Variants in RNF10 observed in about 807,000 individuals in gnomAD.
RNF10 encodes the protein ring finger protein 10, also known as E3 ubiquitin-protein ligase RNF10.
RNF10 carries 38 observed loss-of-function variants against 91.4 expected under a neutral mutation model. The ratio of observed to expected loss-of-function variants is 0.42; its 90% CI spans 0.32 to 0.54. The LOEUF (loss-of-function observed/expected upper bound fraction) is 0.54, where lower values mean the gene tolerates loss of function less well. RNF10 is among the 20% of genes least tolerant of loss of function. The probability of loss-of-function intolerance (pLI) is 0.16; values close to 1 mark genes in which losing one functional copy is unlikely to be tolerated. For synonymous variants in RNF10, 364 were observed against 366.3 expected (o/e 0.99, Z 0.07); for missense variants, 945 against 1,012.0 (o/e 0.93, Z 0.90).
intron 14 of RNF10, among the ~76,000 whole-genome samples, chr12:120,572,838 C>T (rs1164884399): frequency 4.0e-5 from 6 of 149,104 alleles, no homozygotes; most frequent in South Asian, 2.1e-4. Context: ...TGACCTCAGG[C>T]GATCCACCTG....
rs910032089 is a variant in RNF10, at chr12:120,552,493, C to T, written c.355-6C>T. 3.1e-6 allele frequency: 5 copies of T among 1,612,194 alleles called. No individual in the cohort carries two copies. The highest frequency in any genetic ancestry group is 2.5e-6 in the Non-Finnish European group (3 of 1,178,352). ...TGAAATACTGATTCATTCTCATTCT[C>T]TCTAGGTAGCAGAGGCTCAACGGGC... On this transcript the variant is annotated splice_region_variant and splice_polypyrimidine_tract_variant and intron_variant, in intron 2 of 16. Coordinates refer to ENST00000325954, the MANE Select transcript of RNF10 (RefSeq NM_014868.5).
chr12:120,538,510 TC>T (rs1953149204), intron 1 of RNF10, among the ~76,000 whole-genome samples: 4 of 152,214 alleles, frequency 2.6e-5, no homozygotes, highest in Admixed American at 2.6e-4. Flanking sequence ...ACATTCCTTT[TC>T]TTGATTATAT....
intron 13 of RNF10, among the ~76,000 whole-genome samples, chr12:120,568,435 A>G (rs985934676): frequency 4.6e-5 from 7 of 151,936 alleles, no homozygotes; most frequent in Non-Finnish European, 7.4e-5. Flanking sequence ...TCAGAGAACT[A>G]TCTTTTGTGA....
chr12:120,560,328 A>G (rs1874663652), intron 6 of RNF10, among the ~76,000 whole-genome samples: 2 of 151,680 alleles, frequency 1.3e-5, no homozygotes, highest in Admixed American at 6.6e-5. Context: ...ACTTTTTTGT[A>G]TCTTTAGTAG....
intron 14 of RNF10, 105 bp downstream of exon 14, chr12:120,571,396 G>A (rs531404080): frequency 3.7e-6 from 3 of 817,650 alleles, no homozygotes; most frequent in Non-Finnish European, 4.0e-6. Flanking sequence ...ATTCTAATAC[G>A]GCTGGACAAA....
chr12:120,549,795 A>G (rs1390017214), intron 2 of RNF10, among the ~76,000 whole-genome samples: 1 of 152,194 alleles, frequency 6.6e-6, no homozygotes, highest in African/African-American at 2.4e-5. Flanking sequence ...CAAATAAATA[A>G]GTGAATAAAT....
intron 2 of RNF10, 108 bp from the exon 3 acceptor site, chr12:120,552,391 C>A: frequency 1.1e-6 from 1 of 878,490 alleles, no homozygotes; most frequent in Non-Finnish European, 1.7e-6. Context: ...CAGAGTAAGA[C>A]TCCGTCTCAA....
chr12:120,557,255 G>A (rs767437490), intron 4 of RNF10, 27 bp from the exon 5 acceptor site: 2 of 1,610,568 alleles, frequency 1.2e-6, no homozygotes, highest in Non-Finnish European at 1.7e-6. Context: ...TTCAAGCAGT[G>A]AACCTTCTGG....
At position 120,576,961 on chromosome 12, in the gene RNF10, A is replaced by C. The variant is rs1316871298; in HGVS notation, c.*295A>C. On this transcript the variant is annotated 3_prime_UTR_variant, in exon 17 of 17. Coordinates refer to ENST00000325954, the MANE Select transcript of RNF10 (RefSeq NM_014868.5). ...ACCCATGTGTAATTAATTTTTCTCA[A>C]CCCAAAGTAAGATTGAGTCCCCTTT... The C allele has an allele frequency of 2.7e-6, 1 of 372,494 alleles. No individual in the cohort carries two copies. The highest frequency in any genetic ancestry group is 4.3e-5 in the Admixed American group (1 of 23,518). The allele number at this position is 372,494 out of a possible 1,614,324, so 23.1% of individuals were successfully genotyped here.
At chr12:120,570,529 G>A (rs1876471836) in intron 13 of RNF10, among the ~76,000 whole-genome samples, 1 of 152,138 alleles carries the variant, frequency 6.6e-6, no homozygotes, top group South Asian at 2.1e-4. Context: ...AAGAGCAATT[G>A]GTTGGTCCTA....
chr12:120,575,571 G>A, intron 14 of RNF10, 60 bp from the exon 15 acceptor site: 1 of 1,598,138 alleles, frequency 6.3e-7, no homozygotes, highest in Non-Finnish European at 8.6e-7. Flanking sequence ...AGGTAGGTCT[G>A]AAAAAGAAGT....
intron 13 of RNF10, among the ~76,000 whole-genome samples, chr12:120,567,275 C>A (rs1875890156): frequency 6.6e-6 from 1 of 151,976 alleles, no homozygotes; most frequent in Non-Finnish European, 1.5e-5. Flanking sequence ...TTGAGATACT[C>A]CCCTGTATGC....
Position 120,557,284 on chromosome 12 carries a change from C to T in RNF10, c.648C>T (p.Arg216=). ...LVNWDFVEQV[R]ICSHEVPSCP... is the part of the protein sequence containing the mutation. Reference sequence around the variant, plus strand: ...CTTCTGGTGGCATTTTGTTTCAGCGCATTTGTAGCCATGAAGTGCCATCTT... The same window carrying T: ...CTTCTGGTGGCATTTTGTTTCAGCGTATTTGTAGCCATGAAGTGCCATCTT... The change falls in exon 5 of 17, where the codon CGC becomes CGT. Residue 216 remains arginine (R), a splice_region_variant and synonymous_variant. Coordinates refer to ENST00000325954, the MANE Select transcript of RNF10 (RefSeq NM_014868.5). The T allele has an allele frequency of 1.2e-6, 2 of 1,613,760 alleles. No homozygotes were observed. Among genetic ancestry groups the T allele is most frequent in the Non-Finnish European group, 1.7e-6 (2 of 1,179,778 alleles).
intron 10 of RNF10, among the ~76,000 whole-genome samples, chr12:120,564,505 G>T (rs1333519915): frequency 6.6e-6 from 1 of 152,096 alleles, no homozygotes; most frequent in Non-Finnish European, 1.5e-5. Flanking sequence ...TGCACCTGTT[G>T]TCCCAGCTCC....
In RNF10 at chr12:120,546,454, T is replaced by C. The variant is rs747030851; in HGVS notation, c.207T>C (p.Leu69=). ...GSKRYNRKRE[L]SYPKNESFNN... is the part of the protein sequence containing the mutation. ...AGCGTTATAATCGCAAACGTGAACT[T>C]TCCTACCCCAAAAATGAAAGTTTTA... The change falls in exon 2 of 17, where the codon CTT becomes CTC. Residue 69 remains leucine (L), a synonymous_variant. Transcript: ENST00000325954. 5 of 1,614,148 alleles carry C rather than the reference T, an allele frequency of 3.1e-6. No homozygotes were observed. The highest frequency in any genetic ancestry group is 4.2e-6 in the Non-Finnish European group (5 of 1,180,020).
At position 120,571,239 on chromosome 12, in the gene RNF10, C is replaced by T. The variant is rs1237979916; in HGVS notation, c.2090C>T (p.Ser697Leu). The T allele has an allele frequency of 1.9e-6, 3 of 1,614,010 alleles. No individual in the cohort carries two copies. Among genetic ancestry groups the T allele is most frequent in the African/African-American group, 2.7e-5 (2 of 74,924 alleles). Residue 697 changes from serine to leucine, a missense_variant, in exon 14 of 17, where the codon TCA becomes TTA. Transcript: ENST00000325954. The stretch of plus-strand genomic sequence containing the variant: ...CCCACTGCCAGTCAGGGCAGTCCCT[C>T]ATTCTGCGTTGGGAGTCTGGAAGAA... ...LSPTASQGSP[S>L]FCVGSLEEDS...
intron 2 of RNF10, among the ~76,000 whole-genome samples, chr12:120,550,061 A>T (rs1442540696): frequency 6.6e-6 from 1 of 152,190 alleles, no homozygotes; most frequent in African/African-American, 2.4e-5. Flanking sequence ...GTGTGTAATC[A>T]TACATTTTCT....
chr12:120,569,158 A>G (rs1399418311), intron 13 of RNF10, among the ~76,000 whole-genome samples: 14 of 152,024 alleles, frequency 9.2e-5, no homozygotes, highest in African/African-American at 2.9e-4. Context: ...TAGTAGAGAC[A>G]GGGTTTCTCC....
chr12:120,567,306 C>G (rs1262753912), intron 13 of RNF10, among the ~76,000 whole-genome samples: 1 of 148,804 alleles, frequency 6.7e-6, no homozygotes, highest in East Asian at 2.0e-4. Context: ...TTGTACATGT[C>G]TCTTTATTGT....
Sources: gnomAD v4.1 joint callset for allele counts (sites outside exome capture counted in the v4.1 genomes callset) on GRCh38, gnomAD v4.1.1 for gene constraint, MANE v1.5 for transcripts, NCBI Gene and HGNC (gene_info 2026-07-23, HGNC 2026-07-21) for gene names.